GSK3A: variants seen among roughly 807,000 people sequenced by gnomAD.
The protein encoded by GSK3A is glycogen synthase kinase 3 alpha.
In GSK3A, 14 loss-of-function variants were observed where a neutral mutation model predicts 56.6. That is an observed-to-expected ratio of 0.25 (90% CI 0.16 to 0.39). The LOEUF (loss-of-function observed/expected upper bound fraction) is 0.39. Ranked by LOEUF, GSK3A falls within the 10% of genes least tolerant of loss-of-function variation. GSK3A has a pLI of 1.00. For missense variants in GSK3A, 450 were observed against 656.0 expected, an observed-to-expected ratio of 0.69 and a Z score of 3.43; for synonymous variants, 301 against 285.0, an observed-to-expected ratio of 1.06 and a Z score of -0.56.
At chr19:42,238,759 C>T (rs2036274062) in intron 2 of GSK3A, among the ~76,000 whole-genome samples, 1 of 150,816 alleles carries the variant, frequency 6.6e-6, no homozygotes, top group Non-Finnish European at 1.5e-5. Context: ...GTCAGGAGTT[C>T]GAGACCAGCC....
At chr19:42,231,569 T>C (rs765974513) in intron 10 of GSK3A, among the ~76,000 whole-genome samples, 2 of 152,006 alleles carry the variant, frequency 1.3e-5, no homozygotes, top group Non-Finnish European at 2.9e-5. Flanking sequence ...TCACCTGAAG[T>C]TCAAGACCAG....
rs1599809891 is a variant in GSK3A at position 42,233,209 on chromosome 19, TAA to T, written c.1003-6_1003-5del. On this transcript the variant is annotated splice_region_variant and splice_polypyrimidine_tract_variant and intron_variant, in intron 7 of 10. Coordinates refer to ENST00000222330, the MANE Select transcript of GSK3A (RefSeq NM_019884.3). ...CCCGGGTTGGTGTTCCCAGCACCTG[TAA>T]AGAGAGGGAGGGGTCTGAGACAAGG... 3 of 1,604,524 alleles carry T rather than the reference TAA, an allele frequency of 1.9e-6. No individual in the cohort carries two copies. In the East Asian group the frequency reaches 6.7e-5, roughly 36 times the overall value.
chr19:42,233,801 C>T (rs140473781), intron 6 of GSK3A, among the ~76,000 whole-genome samples: 47 of 152,280 alleles, frequency 3.1e-4, no homozygotes, highest in Non-Finnish European at 6.3e-4. Flanking sequence ...AGTCTCACCC[C>T]TCCCTGCTTT....
Position 42,234,720 on chromosome 19 carries a change from C to T in GSK3A, c.667-42G>A. 6.6e-7 allele frequency: 1 copy of T among 1,504,290 alleles called. No individual in the cohort carries two copies. The highest frequency in any genetic ancestry group is 8.9e-7 in the Non-Finnish European group (1 of 1,120,054). 93.2% of individuals were successfully genotyped at this position (1,504,290 alleles called of 1,614,324 possible). On this transcript the variant is annotated intron_variant, in intron 4 of 10. Transcript: ENST00000222330. The surrounding 1 kb of genome is among the most constrained non-coding windows in gnomAD (Gnocchi z 5.7). ...ATAGCAGAACTTTAGCCCAGCTTTC[C>T]CCATACAGCACCACTACCCCACCAG...
chr19:42,232,918 T>C, intron 8 of GSK3A, 192 bp downstream of exon 8: 1 of 578,768 alleles, frequency 1.7e-6, no homozygotes, highest in Non-Finnish European at 3.0e-6. Context: ...AAAATTGGAA[T>C]CTTGAATTTA....
At chr19:42,240,331 A>C (rs1429251964) in intron 1 of GSK3A, 189 bp from the exon 2 acceptor site, 25 of 617,396 alleles carry the variant, frequency 4.0e-5, no homozygotes, top group Non-Finnish European at 2.0e-5. Context: ...CTTTCTGGGA[A>C]TCTTAAGTCC....
chr19:42,238,062 T>C (rs1238397524), intron 2 of GSK3A, among the ~76,000 whole-genome samples: 1 of 151,450 alleles, frequency 6.6e-6, no homozygotes, highest in East Asian at 2.0e-4. Context: ...AAAAATAAAA[T>C]AAAAAACAGC....
Position 42,234,037 on chromosome 19 carries a change from C to T in GSK3A, c.904+316G>A, listed in dbSNP as rs766390122. ...CCTTGCTTCCCGGTTCCCCCAAGGTCTCCAGCAGCCCTTCCCCCTAGCTGA... is the reference window on the plus strand; with the variant it reads ...CCTTGCTTCCCGGTTCCCCCAAGGTTTCCAGCAGCCCTTCCCCCTAGCTGA... On this transcript the variant is annotated intron_variant, in intron 6 of 10. Coordinates refer to ENST00000222330, the MANE Select transcript of GSK3A (RefSeq NM_019884.3). The surrounding 1 kb of genome is among the most constrained non-coding windows in gnomAD (Gnocchi z 5.7). 6.6e-6 allele frequency among the ~76,000 whole-genome samples: 1 copy of T among 152,172 alleles called. No individual in the cohort carries two copies. The highest frequency in any genetic ancestry group is 1.5e-5 in the Non-Finnish European group (1 of 68,038).
intron 1 of GSK3A, chr19:42,241,603 A>G (rs1403243506): frequency 1.3e-5 from 2 of 152,242 alleles, no homozygotes; most frequent in African/African-American, 4.8e-5. Flanking sequence ...GTACAGCTCA[A>G]CAAGATTTAG....
chr19:42,237,997 G>A lies in GSK3A; in HGVS notation c.472-1056C>T, dbSNP rs860387. 2.1e-3 allele frequency among the ~76,000 whole-genome samples: 318 copies of A among 151,802 alleles called. 1 individual carries two copies. The highest frequency in any genetic ancestry group is 7.5e-3 in the African/African-American group (309 of 41,402). On this transcript the variant is annotated intron_variant, in intron 2 of 10. Coordinates refer to ENST00000222330, the MANE Select transcript of GSK3A (RefSeq NM_019884.3). ...TAGTCTCAGGCAATCCTCCTGCCTCGGGCTCTCCAAGTTCAAGGATTACAG... is the reference window on the plus strand; with the variant it reads ...TAGTCTCAGGCAATCCTCCTGCCTCAGGCTCTCCAAGTTCAAGGATTACAG...
intron 1 of GSK3A, chr19:42,240,561 C>A: frequency 3.3e-6 from 1 of 300,638 alleles, no homozygotes. Flanking sequence ...AGCAGTAACC[C>A]TGAGGTACTC....
chr19:42,238,369 C>G (rs1427697582), intron 2 of GSK3A, among the ~76,000 whole-genome samples: 2 of 140,068 alleles, frequency 1.4e-5, no homozygotes, highest in African/African-American at 5.4e-5. Flanking sequence ...AGTGACAGAA[C>G]GAGATTCTGT....
intron 1 of GSK3A, chr19:42,241,124 A>G (rs1307030601): frequency 6.6e-6 from 1 of 151,698 alleles, no homozygotes; most frequent in African/African-American, 2.4e-5. Flanking sequence ...GCCTCCCGAG[A>G]AGCTGGGATT....
chr19:42,230,486 G>A lies in GSK3A; in HGVS notation c.*308C>T, dbSNP rs866157082. The A allele has an allele frequency of 2.9e-5, 13 of 449,294 alleles. No homozygotes were observed. The highest frequency in any genetic ancestry group is 1.4e-4 in the African/African-American group (7 of 50,838). The allele number at this position is 449,294 out of a possible 1,614,324, so 27.8% of individuals were successfully genotyped here. A position where few individuals can be genotyped will look rare whatever the true frequency, so the allele number is the denominator to read the frequency against. On this transcript the variant is annotated 3_prime_UTR_variant, in exon 11 of 11. Coordinates refer to ENST00000222330, the MANE Select transcript of GSK3A (RefSeq NM_019884.3). ...GCTGGTTCTATTTACAAGGGACACA[G>A]GAGGGGAGGGGGTCTGGAGGAGGTG...
chr19:42,239,700 C>G (rs778620352), intron 2 of GSK3A, among the ~76,000 whole-genome samples: 3 of 152,192 alleles, frequency 2.0e-5, no homozygotes, highest in Non-Finnish European at 2.9e-5. Context: ...ACCACAGTAC[C>G]TACCCTCAGA....
At chr19:42,235,720 A>C (rs1432294870) in intron 4 of GSK3A, among the ~76,000 whole-genome samples, 1 of 152,154 alleles carries the variant, frequency 6.6e-6, no homozygotes, top group Non-Finnish European at 1.5e-5. Flanking sequence ...TAGTTCATTT[A>C]ATAGTTTTCT....
At chr19:42,238,987 A>G (rs2036275594) in intron 2 of GSK3A, among the ~76,000 whole-genome samples, 1 of 151,784 alleles carries the variant, frequency 6.6e-6, no homozygotes, top group South Asian at 2.1e-4. Context: ...AAAATCAGGC[A>G]TGGGCACATG....
In GSK3A at chr19:42,236,674, C is replaced by T; in HGVS notation, c.598G>A (p.Glu200Lys). The T allele has an allele frequency of 6.2e-7, 1 of 1,614,006 alleles. No individual in the cohort carries two copies. Among genetic ancestry groups the T allele is most frequent in the Non-Finnish European group, 8.5e-7 (1 of 1,179,908 alleles). Residue 200 changes from glutamate to lysine, a missense_variant, in exon 4 of 11, where the codon GAG becomes AAG. Coordinates refer to ENST00000222330, the MANE Select transcript of GSK3A (RefSeq NM_019884.3). Reference protein sequence around the residue: ...YLNLVLEYVPETVYRVARHFT... With the variant: ...YLNLVLEYVPKTVYRVARHFT... Reference sequence around the variant, plus strand: ...TGGCGGGCCACCCGGTACACTGTCTCGGGCACATATTCCAGCACCAGATTT... The same window carrying T: ...TGGCGGGCCACCCGGTACACTGTCTTGGGCACATATTCCAGCACCAGATTT...
chr19:42,233,238 C>G, intron 7 of GSK3A, 33 bp from the exon 8 acceptor site: 1 of 1,587,040 alleles, frequency 6.3e-7, no homozygotes, highest in Non-Finnish European at 8.6e-7. Context: ...GAGACAAGGG[C>G]CCCATCCCTC....
Sources: gnomAD v4.1 joint callset for allele counts (sites outside exome capture counted in the v4.1 genomes callset) on GRCh38, gnomAD v4.1.1 for gene constraint, Gnocchi (gnomAD v3.1) non-coding constraint, MANE v1.5 for transcripts, NCBI Gene and HGNC (gene_info 2026-07-23, HGNC 2026-07-21) for gene names.